ANKRD28: variants seen among roughly 807,000 people sequenced by gnomAD.
The protein encoded by ANKRD28 is serine/threonine-protein phosphatase 6 regulatory ankyrin repeat subunit A.
ANKRD28 carries 44 observed loss-of-function variants against 126.5 expected under a neutral mutation model. That is an observed-to-expected ratio of 0.35 (90% CI 0.27 to 0.45). The LOEUF (loss-of-function observed/expected upper bound fraction) is 0.45. ANKRD28 is among the 20% of genes least tolerant of loss of function. The probability of loss-of-function intolerance (pLI) is 1.00; values close to 1 mark genes in which losing one functional copy is unlikely to be tolerated. For synonymous variants in ANKRD28, 442 were observed against 468.5 expected, an observed-to-expected ratio of 0.94 and a Z score of 0.73; for missense variants, 1,110 against 1,316.6, an observed-to-expected ratio of 0.84 and a Z score of 2.43.
chr3:15,678,182 A>T (rs748848253), intron 24 of ANKRD28, 27 bp downstream of exon 24: 21 of 1,584,718 alleles, frequency 1.3e-5, no homozygotes, highest in Non-Finnish European at 9.4e-6. Context: ...TACTTAGGAA[A>T]ATACAATTTT....
chr3:15,751,069 C>G (rs116209383), intron 4 of ANKRD28, among the ~76,000 whole-genome samples: 17 of 151,876 alleles, frequency 1.1e-4, no homozygotes, highest in African/African-American at 3.1e-4. Flanking sequence ...TGTCTCATCT[C>G]TATCATTTAA....
Position 15,814,773 on chromosome 3 carries a change from T to C in ANKRD28, c.28-19467A>G, listed in dbSNP as rs2060798491. Among the ~76,000 whole-genome samples, 1 of 151,994 alleles carries C rather than the reference T, an allele frequency of 6.6e-6. No homozygotes were observed. Among genetic ancestry groups the C allele is most frequent in the South Asian group, 2.1e-4 (1 of 4,830 alleles). ...TATGAAAAGTTTAAAATATTCAATC[T>C]ATACGCTTTTTGAATATGTAGAACA... On this transcript the variant is annotated intron_variant, in intron 1 of 27. Transcript: ENST00000399451. This position sits in a 1 kb window ranked among gnomAD's most constrained non-coding sequence, Gnocchi z 4.7.
chr3:15,722,380 T>C (rs1559407477), intron 7 of ANKRD28, among the ~76,000 whole-genome samples: 1 of 152,246 alleles, frequency 6.6e-6, no homozygotes, highest in Non-Finnish European at 1.5e-5. Flanking sequence ...AACAGTAATG[T>C]GTCCTGACTC....
chr3:15,767,059 C>G (rs2058773212), intron 2 of ANKRD28, among the ~76,000 whole-genome samples: 2 of 152,122 alleles, frequency 1.3e-5, no homozygotes, highest in Admixed American at 1.3e-4. Flanking sequence ...TCTTAACATT[C>G]CTGCTAGTTT....
At chr3:15,848,780 ATACT>A (rs771501829) in intron 1 of ANKRD28, among the ~76,000 whole-genome samples, 154 of 152,312 alleles carry the variant, frequency 1.0e-3, no homozygotes, top group Non-Finnish European at 1.9e-3. Context: ...CAGCTACATC[ATACT>A]TAATGATGAA....
At chr3:15,719,227 T>C (rs2124872142) in intron 8 of ANKRD28, among the ~76,000 whole-genome samples, 1 of 152,352 alleles carries the variant, frequency 6.6e-6, no homozygotes, top group East Asian at 1.9e-4. Flanking sequence ...GATGGATTTG[T>C]TGCTGTTACA....
At chr3:15,770,005 T>G (rs2058921918) in intron 2 of ANKRD28, among the ~76,000 whole-genome samples, 1 of 150,198 alleles carries the variant, frequency 6.7e-6, no homozygotes, top group South Asian at 2.1e-4. Context: ...GTCAGTGGAC[T>G]CCACATCCAT....
intron 1 of ANKRD28, among the ~76,000 whole-genome samples, chr3:15,826,883 A>G (rs1575778715): frequency 6.6e-6 from 1 of 152,146 alleles, no homozygotes; most frequent in East Asian, 1.9e-4. Context: ...ATATACATAC[A>G]AATTAGGACT....
At chr3:15,824,431 T>C (rs1309497652) in intron 1 of ANKRD28, among the ~76,000 whole-genome samples, 1 of 152,124 alleles carries the variant, frequency 6.6e-6, no homozygotes, top group Admixed American at 6.5e-5. Flanking sequence ...GCTGGGATTA[T>C]AGGTGTGAGC....
At chr3:15,851,679 C>T (rs1575824497) in intron 1 of ANKRD28, among the ~76,000 whole-genome samples, 2 of 152,148 alleles carry the variant, frequency 1.3e-5, no homozygotes, top group East Asian at 1.9e-4. Flanking sequence ...AACTGGAATG[C>T]TCATACGCTG....
intron 1 of ANKRD28, among the ~76,000 whole-genome samples, chr3:15,821,529 G>A (rs2060941594): frequency 6.6e-6 from 1 of 152,060 alleles, no homozygotes; most frequent in Non-Finnish European, 1.5e-5. Flanking sequence ...ACAATATATA[G>A]CAGAATAAGA....
At chr3:15,726,799 T>G (rs1358837970) in intron 6 of ANKRD28, among the ~76,000 whole-genome samples, 1 of 152,210 alleles carries the variant, frequency 6.6e-6, no homozygotes, top group African/African-American at 2.4e-5. Context: ...CCATCAAAAC[T>G]TCAAAGGACA....
intron 6 of ANKRD28, 81 bp from the exon 7 acceptor site, chr3:15,724,605 A>G: frequency 4.5e-6 from 6 of 1,342,420 alleles, no homozygotes; most frequent in Non-Finnish European, 6.0e-6. Context: ...CTTTAAGCAA[A>G]TTTAAAAAAT....
intron 4 of ANKRD28, among the ~76,000 whole-genome samples, chr3:15,751,528 G>A (rs2057862348): frequency 6.6e-6 from 1 of 152,130 alleles, no homozygotes; most frequent in Admixed American, 6.5e-5. Flanking sequence ...GACAGAGATA[G>A]GGTTTTCTAT....
In ANKRD28 at chr3:15,817,064, A is replaced by G. The variant is rs2060846851; in HGVS notation, c.28-21758T>C. Reference sequence around the variant, plus strand: ...ACAAAACCAAAACCAAAAGAAACCCAAACAAAAGCACACATCTGAATACTG... The same window carrying G: ...ACAAAACCAAAACCAAAAGAAACCCGAACAAAAGCACACATCTGAATACTG... On this transcript the variant is annotated intron_variant, in intron 1 of 27. Coordinates refer to the ANKRD28 transcript ENST00000399451. This position sits in a 1 kb window ranked among gnomAD's most constrained non-coding sequence, Gnocchi z 4.5. 6.6e-6 allele frequency among the ~76,000 whole-genome samples: 1 copy of G among 152,070 alleles called. No individual in the cohort carries two copies. Among genetic ancestry groups the G allele is most frequent in the South Asian group, 2.1e-4 (1 of 4,824 alleles).
At chr3:15,803,670 A>AGGAACAAAGGGAGAAAAAC (rs1209960528) in intron 1 of ANKRD28, among the ~76,000 whole-genome samples, 5 of 146,642 alleles carry the variant, frequency 3.4e-5, no homozygotes, top group East Asian at 2.9e-4. Flanking sequence ...GGACATGTTA[A>AGGAACAAAGGGAGAAAAAC]TAGACTGGCT....
intron 3 of ANKRD28, among the ~76,000 whole-genome samples, chr3:15,759,863 A>G (rs1049003585): frequency 6.6e-6 from 1 of 152,174 alleles, no homozygotes; most frequent in Non-Finnish European, 1.5e-5. Flanking sequence ...CTGTGTCCTA[A>G]AATCCCTAAA....
intron 1 of ANKRD28, among the ~76,000 whole-genome samples, chr3:15,825,980 T>C (rs922722737): frequency 2.6e-5 from 4 of 152,162 alleles, no homozygotes; most frequent in Admixed American, 2.0e-4. Flanking sequence ...TCTTACTCAA[T>C]TGCTTGTGAC....
intron 1 of ANKRD28, among the ~76,000 whole-genome samples, chr3:15,842,650 G>A (rs1430168407): frequency 6.6e-6 from 1 of 152,112 alleles, no homozygotes; most frequent in African/African-American, 2.4e-5. Flanking sequence ...CCCAGATGTG[G>A]TTAGTATATG....
Sources: allele counts gnomAD v4.1 joint callset (sites outside exome capture counted in the v4.1 genomes callset), GRCh38; gene constraint gnomAD v4.1.1; non-coding constraint Gnocchi (gnomAD v3.1); transcripts MANE v1.5; gene names NCBI Gene and HGNC (gene_info 2026-07-23, HGNC 2026-07-21).